The following RBPMS variants were observed in gnomAD, a reference collection of about 807,000 sequenced individuals.
RBPMS encodes the protein RNA-binding protein with multiple splicing.
RBPMS carries 7 observed loss-of-function variants against 26.8 expected under a neutral mutation model. The observed-to-expected ratio is 0.26, with a 90% CI of 0.15 to 0.49. The LOEUF (loss-of-function observed/expected upper bound fraction) is 0.49. RBPMS is among the 20% of genes least tolerant of loss of function. RBPMS has a pLI of 0.98. For synonymous variants in RBPMS, 96 were observed against 93.3 expected, an observed-to-expected ratio of 1.03 and a Z score of -0.17; for missense variants, 186 against 250.0, an observed-to-expected ratio of 0.74 and a Z score of 1.73.
At chr8:30,552,075 A>G (rs1030397888) in intron 6 of RBPMS, among the ~76,000 whole-genome samples, 3 of 152,174 alleles carry the variant, frequency 2.0e-5, no homozygotes, top group African/African-American at 7.2e-5. Context: ...CAGCACCCTG[A>G]TAAGAGAAAC....
intron 7 of RBPMS, chr8:30,564,983 A>C (rs1195741376): frequency 6.6e-6 from 1 of 152,108 alleles, no homozygotes; most frequent in Non-Finnish European, 1.5e-5. Flanking sequence ...GAGGCTTCTT[A>C]ATCATCCTAG....
intron 1 of RBPMS, among the ~76,000 whole-genome samples, chr8:30,436,347 C>T (rs888140608): frequency 6.6e-6 from 1 of 152,130 alleles, no homozygotes; most frequent in South Asian, 2.1e-4. Flanking sequence ...ATGATTTCTA[C>T]CTTGTTGAAT....
intron 5 of RBPMS, among the ~76,000 whole-genome samples, chr8:30,540,600 T>A (rs1176003659): frequency 2.0e-5 from 3 of 152,124 alleles, no homozygotes; most frequent in South Asian, 4.2e-4. Context: ...TAATATATAT[T>A]TTTTTAAGAT....
rs1046731796 is a variant in RBPMS at position 30,391,699 on chromosome 8, A to G, written c.66+6541A>G. Among the ~76,000 whole-genome samples the G allele has an allele frequency of 2.0e-5, 3 of 152,250 alleles. No homozygotes were observed. In the South Asian group the frequency reaches 6.2e-4, roughly 32 times the overall value. The stretch of plus-strand genomic sequence containing the variant: ...CCAGGAGAATATTGTAAACAATTTT[A>G]TTGCACTATATTTTCTATGTTTGGC... On this transcript the variant is annotated intron_variant, in intron 1 of 8. Coordinates refer to ENST00000397323, the MANE Select transcript of RBPMS (RefSeq NM_001008710.3).
At chr8:30,504,564 T>C (rs945487555) in intron 5 of RBPMS, 128 bp downstream of exon 5, 1 of 896,078 alleles carries the variant, frequency 1.1e-6, no homozygotes, top group African/African-American at 1.7e-5. Context: ...AGAGGTTGCC[T>C]AGGCGTTCTT....
At chr8:30,434,522 G>A (rs147929969) in intron 1 of RBPMS, among the ~76,000 whole-genome samples, 1 of 152,062 alleles carries the variant, frequency 6.6e-6, no homozygotes, top group East Asian at 1.9e-4. Flanking sequence ...TGGCCAAAGT[G>A]GAGAAAACTC....
chr8:30,426,217 T>C (rs1811337707), intron 1 of RBPMS, among the ~76,000 whole-genome samples: 1 of 152,182 alleles, frequency 6.6e-6, no homozygotes, highest in South Asian at 2.1e-4. Flanking sequence ...GTAAATAAGG[T>C]TTCTTGTCTT....
At chr8:30,531,672 A>G (rs1585786180) in intron 5 of RBPMS, among the ~76,000 whole-genome samples, 1 of 152,348 alleles carries the variant, frequency 6.6e-6, no homozygotes, top group South Asian at 2.1e-4. Flanking sequence ...GCATTTGCCA[A>G]GTTTTCACTG....
At chr8:30,461,694 C>T (rs1040812668) in intron 1 of RBPMS, among the ~76,000 whole-genome samples, 4 of 152,186 alleles carry the variant, frequency 2.6e-5, no homozygotes, top group Admixed American at 2.6e-4. Context: ...CGCACCCGGC[C>T]TCATGTACAG....
At chr8:30,458,832 C>T (rs1376990715) in intron 1 of RBPMS, among the ~76,000 whole-genome samples, 2 of 152,202 alleles carry the variant, frequency 1.3e-5, no homozygotes, top group African/African-American at 4.8e-5. Context: ...CTGCCTCAGT[C>T]TCCTGTGTAT....
At chr8:30,408,354 C>T (rs1438577619) in intron 1 of RBPMS, among the ~76,000 whole-genome samples, 2 of 152,154 alleles carry the variant, frequency 1.3e-5, no homozygotes, top group Admixed American at 6.5e-5. Flanking sequence ...TGTGGCGAAA[C>T]TCTGTCTCTA....
In RBPMS at chr8:30,491,555, C is replaced by G. The variant is rs578184765; in HGVS notation, c.246+12178C>G. ...TGAAAATATACTTGGAGGCCTATTGCGGTCTATGTCTGATCTTTAAATAGA... is the reference window on the plus strand; with the variant it reads ...TGAAAATATACTTGGAGGCCTATTGGGGTCTATGTCTGATCTTTAAATAGA... On this transcript the variant is annotated intron_variant, in intron 4 of 8. Transcript: ENST00000397323. 3.9e-5 allele frequency among the ~76,000 whole-genome samples: 6 copies of G among 152,120 alleles called. No homozygotes were observed. In the South Asian group the frequency reaches 8.3e-4, roughly 21 times the overall value.
intron 1 of RBPMS, among the ~76,000 whole-genome samples, chr8:30,474,069 T>A (rs978759271): frequency 6.6e-6 from 1 of 151,362 alleles, no homozygotes; most frequent in Non-Finnish European, 1.5e-5. Flanking sequence ...ATCCTGCACA[T>A]GTACCCCAGT....
chr8:30,428,545 C>G (rs62502001), intron 1 of RBPMS, among the ~76,000 whole-genome samples: 1 of 151,948 alleles, frequency 6.6e-6, no homozygotes, highest in Non-Finnish European at 1.5e-5. Flanking sequence ...TTAAAAATAA[C>G]CCAGCATAAT....
intron 4 of RBPMS, among the ~76,000 whole-genome samples, chr8:30,480,995 A>G (rs1315476505): frequency 6.6e-6 from 1 of 152,196 alleles, no homozygotes; most frequent in East Asian, 1.9e-4. Context: ...TACTTCTCCT[A>G]TGTGTATAAA....
intron 8 of RBPMS, among the ~76,000 whole-genome samples, chr8:30,567,283 C>CA (rs1182212730): frequency 1.3e-5 from 2 of 152,192 alleles, no homozygotes; most frequent in Non-Finnish European, 2.9e-5. Flanking sequence ...CGATACCTCT[C>CA]AGTGCCGACC....
intron 1 of RBPMS, among the ~76,000 whole-genome samples, chr8:30,430,144 C>T (rs751773892): frequency 4.6e-5 from 7 of 152,102 alleles, no homozygotes; most frequent in Non-Finnish European, 1.0e-4. Context: ...GGCATGATGG[C>T]GCCCGCCTGT....
intron 1 of RBPMS, among the ~76,000 whole-genome samples, chr8:30,446,138 T>C (rs1397044378): frequency 6.6e-6 from 1 of 152,258 alleles, no homozygotes; most frequent in Non-Finnish European, 1.5e-5. Context: ...TGCAACTTCA[T>C]GTTATCCTGA....
At chr8:30,484,847 G>A (rs1259695542) in intron 4 of RBPMS, among the ~76,000 whole-genome samples, 2 of 152,170 alleles carry the variant, frequency 1.3e-5, no homozygotes, top group Non-Finnish European at 2.9e-5. Flanking sequence ...AAATATCACA[G>A]TGATTACAGC....
Sources: allele counts gnomAD v4.1 joint callset (sites outside exome capture counted in the v4.1 genomes callset), GRCh38; gene constraint gnomAD v4.1.1; transcripts MANE v1.5; gene names NCBI Gene and HGNC (gene_info 2026-07-23, HGNC 2026-07-21).